HECW2: variants seen among roughly 807,000 people sequenced by gnomAD.
HECW2 encodes HECT, C2 and WW domain containing E3 ubiquitin protein ligase 2.
In HECW2, 61 loss-of-function variants were observed where a neutral mutation model predicts 175.2. That is an observed-to-expected ratio of 0.35 (90% CI 0.28 to 0.43). The LOEUF (loss-of-function observed/expected upper bound fraction) is 0.43, where lower values mean the gene tolerates loss of function less well. Among genes scored for constraint, HECW2 ranks in the 20% least tolerant of loss-of-function variants. HECW2 has a pLI of 1.00. For synonymous variants in HECW2, 671 were observed against 731.0 expected (o/e 0.92, Z 1.32); for missense variants, 1,524 against 2,000.5 (o/e 0.76, Z 4.54).
chr2:196,527,128 AGACT>A (rs1688686772), intron 1 of HECW2, among the ~76,000 whole-genome samples: 1 of 152,174 alleles, frequency 6.6e-6, no homozygotes, highest in Non-Finnish European at 1.5e-5. Context: ...GCAATCAGCG[AGACT>A]CCGTGAGCCT....
chr2:196,393,518 G>T (rs1464885340), intron 2 of HECW2, among the ~76,000 whole-genome samples: 1 of 152,150 alleles, frequency 6.6e-6, no homozygotes, highest in African/African-American at 2.4e-5. Context: ...ATTCTCAAAA[G>T]AAGACATTTA....
At chr2:196,502,222 A>G (rs1460608234) in intron 1 of HECW2, among the ~76,000 whole-genome samples, 1 of 152,216 alleles carries the variant, frequency 6.6e-6, no homozygotes, top group Non-Finnish European at 1.5e-5. Flanking sequence ...GTATTTCTTA[A>G]TATGTTGTCT....
At chr2:196,536,810 G>C (rs1049049932) in intron 1 of HECW2, among the ~76,000 whole-genome samples, 4 of 152,124 alleles carry the variant, frequency 2.6e-5, no homozygotes, top group African/African-American at 7.2e-5. Flanking sequence ...AATACACCAA[G>C]TTAGAAGGCC....
chr2:196,384,799 T>C (rs951069216), intron 2 of HECW2, among the ~76,000 whole-genome samples: 1 of 152,234 alleles, frequency 6.6e-6, no homozygotes, highest in Non-Finnish European at 1.5e-5. Context: ...CTTTATAAAA[T>C]GTTAATCACT....
At chr2:196,225,483 T>A (rs1438947066) in intron 23 of HECW2, among the ~76,000 whole-genome samples, 1 of 152,184 alleles carries the variant, frequency 6.6e-6, no homozygotes, top group Non-Finnish European at 1.5e-5. Flanking sequence ...CAGGGCTGTG[T>A]TTGAAGTACA....
intron 24 of HECW2, among the ~76,000 whole-genome samples, chr2:196,221,467 G>GA (rs1198803133): frequency 6.0e-5 from 9 of 150,284 alleles, no homozygotes; most frequent in African/African-American, 1.2e-4. Context: ...CACCAATTTT[G>GA]AAAAAAAAAT....
At chr2:196,208,805 C>T (rs1197956007) in intron 28 of HECW2, among the ~76,000 whole-genome samples, 1 of 152,088 alleles carries the variant, frequency 6.6e-6, no homozygotes, top group African/African-American at 2.4e-5. Context: ...GTTGAGGTTG[C>T]AGGAGGAGGC....
chr2:196,540,361 T>G lies in HECW2; in HGVS notation c.-36+53147A>C, dbSNP rs191407067. Among the ~76,000 whole-genome samples the G allele has an allele frequency of 4.5e-3, 680 of 152,338 alleles. 3 individuals carry two copies. Among genetic ancestry groups the G allele is most frequent in the Non-Finnish European group, 7.6e-3 (517 of 68,038 alleles). On this transcript the variant is annotated intron_variant, in intron 1 of 28. Transcript: ENST00000644978. ...CCCTAGAGAAATCTGTTAATGTCAA[T>G]GACATTGATCAGAATTTAATAATCA...
chr2:196,491,845 A>G (rs935884209), intron 1 of HECW2, among the ~76,000 whole-genome samples: 2 of 152,012 alleles, frequency 1.3e-5, no homozygotes, highest in Non-Finnish European at 2.9e-5. Flanking sequence ...ATAATTAAAG[A>G]AAAAAAATTT....
At chr2:196,526,354 T>C (rs1368870234) in intron 1 of HECW2, among the ~76,000 whole-genome samples, 2 of 141,416 alleles carry the variant, frequency 1.4e-5, no homozygotes, top group Non-Finnish European at 3.0e-5. Flanking sequence ...CTTCTCTGTA[T>C]TGGTTATTCT....
At chr2:196,329,498 T>C in intron 5 of HECW2, 77 bp downstream of exon 5, 1 of 1,197,054 alleles carries the variant, frequency 8.4e-7, no homozygotes, top group Non-Finnish European at 1.2e-6. Flanking sequence ...TACGAAAGTC[T>C]GCAGAAAGAA....
intron 2 of HECW2, among the ~76,000 whole-genome samples, chr2:196,411,860 A>C (rs1400741157): frequency 6.6e-6 from 1 of 152,194 alleles, no homozygotes; most frequent in African/African-American, 2.4e-5. Flanking sequence ...AAACTACAAA[A>C]ACTAGCTGGT....
chr2:196,277,455 T>C (rs1043535040), intron 15 of HECW2, among the ~76,000 whole-genome samples: 3 of 152,160 alleles, frequency 2.0e-5, no homozygotes, highest in Admixed American at 6.5e-5. Flanking sequence ...AGAATGGCAA[T>C]CATTAAAAAG....
intron 17 of HECW2, among the ~76,000 whole-genome samples, chr2:196,261,474 G>A (rs535287106): frequency 3.9e-5 from 6 of 152,108 alleles, no homozygotes; most frequent in African/African-American, 1.4e-4. Flanking sequence ...TCAAACCAAT[G>A]AATCAGTAGA....
Position 196,438,102 on chromosome 2 carries a change from T to A in HECW2, c.-35-4644A>T, listed in dbSNP as rs546961547. ...ATAGGAACTAAGAAAACAGGAAATA[T>A]TTGCTGAATGAATAAAAACTGAGAG... On this transcript the variant is annotated intron_variant, in intron 1 of 28. Transcript: ENST00000644978. 3.3e-5 allele frequency among the ~76,000 whole-genome samples: 5 copies of A among 152,128 alleles called. No individual in the cohort carries two copies. In the South Asian group the frequency reaches 1.0e-3, roughly 32 times the overall value.
chr2:196,251,934 C>T (rs545189334), intron 19 of HECW2, among the ~76,000 whole-genome samples: 1 of 152,202 alleles, frequency 6.6e-6, no homozygotes, highest in African/African-American at 2.4e-5. Flanking sequence ...CGTGGCAACT[C>T]ACACCTGTAA....
At chr2:196,418,048 T>C (rs995543775) in intron 2 of HECW2, among the ~76,000 whole-genome samples, 5 of 152,236 alleles carry the variant, frequency 3.3e-5, no homozygotes, top group Non-Finnish European at 5.9e-5. Context: ...ATTAACATAT[T>C]TGAGTCTAAT....
chr2:196,364,985 G>A (rs1198493184), intron 2 of HECW2, among the ~76,000 whole-genome samples: 1 of 152,176 alleles, frequency 6.6e-6, no homozygotes, highest in African/African-American at 2.4e-5. Context: ...AAGAATGAAG[G>A]AATGGAAATT....
intron 10 of HECW2, among the ~76,000 whole-genome samples, chr2:196,313,073 G>T (rs914603139): frequency 3.9e-5 from 6 of 152,084 alleles, no homozygotes; most frequent in Admixed American, 1.3e-4. Flanking sequence ...CACTAACCCA[G>T]ACTGTTCATC....
Sources: gnomAD v4.1 joint callset for allele counts (sites outside exome capture counted in the v4.1 genomes callset) on GRCh38, gnomAD v4.1.1 for gene constraint, MANE v1.5 for transcripts, NCBI Gene and HGNC (gene_info 2026-07-23, HGNC 2026-07-21) for gene names.